Variants in SHROOM3 observed in about 807,000 individuals in gnomAD.
SHROOM3 encodes protein Shroom3.
In SHROOM3, 47 loss-of-function variants were observed where a neutral mutation model predicts 138.6. The ratio of observed to expected loss-of-function variants is 0.34; its 90% confidence interval spans 0.27 to 0.43. The LOEUF (loss-of-function observed/expected upper bound fraction) is 0.43. Among genes scored for constraint, SHROOM3 ranks in the 20% least tolerant of loss-of-function variants. SHROOM3 has a pLI of 1.00. For synonymous variants in SHROOM3, 1,062 were observed against 1,063.3 expected, an observed-to-expected ratio of 1.00 and a Z score of 0.02; for missense variants, 2,491 against 2,596.5, an observed-to-expected ratio of 0.96 and a Z score of 0.88.
chr4:76,453,713 T>G (rs1454125539), intron 1 of SHROOM3, among the ~76,000 whole-genome samples: 5 of 152,222 alleles, frequency 3.3e-5, no homozygotes, highest in African/African-American at 1.2e-4. Flanking sequence ...CCTTTGTTCA[T>G]TTTTTAAATT....
At chr4:76,516,177 G>T (rs1313976914) in intron 1 of SHROOM3, among the ~76,000 whole-genome samples, 2 of 152,122 alleles carry the variant, frequency 1.3e-5, no homozygotes, top group Non-Finnish European at 2.9e-5. Flanking sequence ...AATGACCAAG[G>T]ATACTGACTT....
At chr4:76,650,956 AAGAAT>A (rs1315877119) in intron 2 of SHROOM3, among the ~76,000 whole-genome samples, 1 of 152,236 alleles carries the variant, frequency 6.6e-6, no homozygotes, top group Non-Finnish European at 1.5e-5. Context: ...AGCCATGAAA[AAGAAT>A]AGAACCAGTC....
At chr4:76,752,600 A>G (rs1721664170) in intron 6 of SHROOM3, among the ~76,000 whole-genome samples, 1 of 152,136 alleles carries the variant, frequency 6.6e-6, no homozygotes, top group South Asian at 2.1e-4. Flanking sequence ...TCTATTATAA[A>G]AGGGACTTGA....
At chr4:76,562,720 G>A (rs1733625636) in intron 2 of SHROOM3, among the ~76,000 whole-genome samples, 1 of 152,064 alleles carries the variant, frequency 6.6e-6, no homozygotes, top group Non-Finnish European at 1.5e-5. Flanking sequence ...TCCTGAAAAA[G>A]CATCTACATT....
intron 1 of SHROOM3, among the ~76,000 whole-genome samples, chr4:76,498,372 AAGAG>A (rs1732013589): frequency 6.6e-6 from 1 of 152,082 alleles, no homozygotes; most frequent in African/African-American, 2.4e-5. Flanking sequence ...GGGAGAAAGA[AAGAG>A]AGAGAGAATA....
chr4:76,436,718 A>G (rs901790419), intron 1 of SHROOM3, among the ~76,000 whole-genome samples: 1 of 152,230 alleles, frequency 6.6e-6, no homozygotes, highest in African/African-American at 2.4e-5. Context: ...AGCTTTCAGC[A>G]TAACTCAAGA....
At chr4:76,598,172 G>A (rs60967684) in intron 2 of SHROOM3, among the ~76,000 whole-genome samples, 12,837 of 151,976 alleles carry the variant, frequency 0.084, 637 homozygotes, top group Non-Finnish European at 0.11. Flanking sequence ...GACTACAGGC[G>A]CCTGCCACCA....
intron 1 of SHROOM3, among the ~76,000 whole-genome samples, chr4:76,486,912 T>TA (rs34070396): frequency 0.44 from 65,451 of 150,130 alleles, 15,040 homozygotes; most frequent in Non-Finnish European, 0.52. Context: ...AAGGCAACTT[T>TA]AAAAAAAAAA....
intron 1 of SHROOM3, among the ~76,000 whole-genome samples, chr4:76,518,940 AG>A (rs1732505125): frequency 6.6e-6 from 1 of 152,166 alleles, no homozygotes; most frequent in Non-Finnish European, 1.5e-5. Flanking sequence ...GAATGGAGCT[AG>A]GAGTCTCCTT....
intron 2 of SHROOM3, among the ~76,000 whole-genome samples, chr4:76,681,711 C>T (rs1040539050): frequency 6.6e-6 from 1 of 151,058 alleles, no homozygotes; most frequent in Non-Finnish European, 1.5e-5. Context: ...TGTCTGGTGT[C>T]GGGATGTTGG....
chr4:76,756,833 G>A lies in SHROOM3; in HGVS notation c.5094G>A (p.Leu1698=). The part of the protein sequence containing the change: ...PDSRLKTTMD[L]MEGLFPRDVN... ...CCAGGCTGAAGACAACAATGGACCT[G>A]ATGGAAGGTTTGTTTCCCCGAGATG... Residue 1698 remains leucine, a synonymous_variant, in exon 8 of 11, where the codon CTG becomes CTA. Coordinates refer to ENST00000296043, the MANE Select transcript of SHROOM3 (RefSeq NM_020859.4). 1.2e-6 allele frequency: 2 copies of A among 1,614,192 alleles called. No homozygotes were observed. The highest frequency in any genetic ancestry group is 1.7e-6 in the Non-Finnish European group (2 of 1,180,034).
chr4:76,663,985 T>G (rs1157539968), intron 2 of SHROOM3, among the ~76,000 whole-genome samples: 2 of 152,238 alleles, frequency 1.3e-5, no homozygotes, highest in African/African-American at 4.8e-5. Context: ...GTCTGACTAT[T>G]CAAACAATTT....
intron 5 of SHROOM3, among the ~76,000 whole-genome samples, chr4:76,747,926 C>T (rs1039480774): frequency 7.9e-5 from 12 of 152,118 alleles, no homozygotes; most frequent in African/African-American, 2.4e-4. Flanking sequence ...TAACTGTGGG[C>T]AAGATATGTC....
chr4:76,511,388 C>T (rs1732334406), intron 1 of SHROOM3, among the ~76,000 whole-genome samples: 1 of 152,022 alleles, frequency 6.6e-6, no homozygotes, highest in East Asian at 1.9e-4. Flanking sequence ...TTAGTGGTTT[C>T]TATGAGGCCC....
At chr4:76,520,246 C>T (rs1462322035) in intron 1 of SHROOM3, among the ~76,000 whole-genome samples, 1 of 152,120 alleles carries the variant, frequency 6.6e-6, no homozygotes, top group Admixed American at 6.5e-5. Context: ...TCATCTAATC[C>T]CTCTGCCTCT....
Position 76,778,958 on chromosome 4 carries a change from C to T in SHROOM3, c.5772C>T (p.Phe1924=), listed in dbSNP as rs772343315. Residue 1924 remains phenylalanine, a synonymous_variant, in exon 11 of 11, where the codon TTC becomes TTT. Coordinates refer to ENST00000296043, the MANE Select transcript of SHROOM3 (RefSeq NM_020859.4). ...SEEQLQDYQH[F]VKMKSTLLIE... The stretch of plus-strand genomic sequence containing the variant: ...AGCAGCTCCAGGACTACCAGCACTT[C>T]GTGAAAATGAAGTCCACGCTCCTCA... The T allele has an allele frequency of 1.6e-5, 26 of 1,613,960 alleles. No individual in the cohort carries two copies. Among genetic ancestry groups the T allele is most frequent in the East Asian group, 4.5e-5 (2 of 44,888 alleles).
At chr4:76,640,863 G>C (rs1735647893) in intron 2 of SHROOM3, among the ~76,000 whole-genome samples, 1 of 152,186 alleles carries the variant, frequency 6.6e-6, no homozygotes, top group Non-Finnish European at 1.5e-5. Context: ...GAACCACCTA[G>C]AGTTGCCTGC....
At chr4:76,612,058 C>T (rs72661440) in intron 2 of SHROOM3, among the ~76,000 whole-genome samples, 12,751 of 152,256 alleles carry the variant, frequency 0.084, 589 homozygotes, top group East Asian at 0.14. Context: ...TCTGCCTCCT[C>T]TCATTGTTGT....
At chr4:76,590,004 CT>C (rs1020357437) in intron 2 of SHROOM3, among the ~76,000 whole-genome samples, 1 of 152,192 alleles carries the variant, frequency 6.6e-6, no homozygotes, top group African/African-American at 2.4e-5. Context: ...TTCTCCTTCC[CT>C]TTTTGTCTTT....
Sources: allele counts gnomAD v4.1 joint callset (sites outside exome capture counted in the v4.1 genomes callset), GRCh38; gene constraint gnomAD v4.1.1; transcripts MANE v1.5; gene names NCBI Gene and HGNC (gene_info 2026-07-23, HGNC 2026-07-21).